Variants in C11orf16 observed in about 807,000 individuals in gnomAD.
C11orf16 encodes chromosome 11 open reading frame 16, also known as uncharacterized protein C11orf16.
C11orf16 carries 38 observed loss-of-function variants against 45.1 expected under a neutral mutation model. That is an observed-to-expected ratio of 0.84 (90% CI 0.65 to 1.10). The LOEUF is 1.10. Ranked by LOEUF, C11orf16 falls within the 50% of genes least tolerant of loss-of-function variation. The probability of loss-of-function intolerance (pLI) is 0.00; values close to 1 mark genes in which losing one functional copy is unlikely to be tolerated. For synonymous variants in C11orf16, 221 were observed against 222.0 expected (o/e 1.00, Z 0.04); for missense variants, 583 against 569.5 (o/e 1.02, Z -0.24).
Position 8,927,050 on chromosome 11 carries a change from C to T in C11orf16, c.449G>A (p.Gly150Glu), listed in dbSNP as rs369882131. The T allele has an allele frequency of 2.5e-6, 4 of 1,614,140 alleles. No individual in the cohort carries two copies. The South Asian group carries it at 4.4e-5, about 18-fold the overall frequency. ...CTTATCCCCTGGTCTCAGTGAGTAT[C>T]CTACAGATGGTGAGAGAGGAATGAC... ...EDVIPLSPSV[G>E]YSLRPGDKVL... Residue 150 changes from glycine (G) to glutamate (E), a missense_variant, in exon 4 of 7, where the codon GGA becomes GAA. Gly to Glu is a moderately conservative substitution (Grantham distance 98). Transcript: ENST00000326053.
intron 3 of C11orf16, chr11:8,927,444 C>T (rs1453273859): frequency 1.9e-6 from 1 of 516,364 alleles, no homozygotes; most frequent in African/African-American, 1.9e-5. Context: ...CCATTCCCTT[C>T]CTTTGCCTGG....
At chr11:8,931,226 G>A (rs1395703106) in intron 2 of C11orf16, among the ~76,000 whole-genome samples, 1 of 149,690 alleles carries the variant, frequency 6.7e-6, no homozygotes, top group South Asian at 2.1e-4. Flanking sequence ...TTTTTTTTTG[G>A]TTTTGTTTTG....
At chr11:8,928,413 A>G (rs2064629310) in intron 3 of C11orf16, among the ~76,000 whole-genome samples, 1 of 152,146 alleles carries the variant, frequency 6.6e-6, no homozygotes, top group African/African-American at 2.4e-5. Flanking sequence ...ACACCCATGC[A>G]TGTGAGCAAA....
chr11:8,921,065 A>G (rs1662745034), intron 6 of C11orf16, among the ~76,000 whole-genome samples: 1 of 152,202 alleles, frequency 6.6e-6, no homozygotes, highest in African/African-American at 2.4e-5. Context: ...ACCCAATACC[A>G]TAGAACAGAG....
chr11:8,930,715 C>G (rs372482430), intron 2 of C11orf16, among the ~76,000 whole-genome samples: 2 of 152,082 alleles, frequency 1.3e-5, no homozygotes, highest in South Asian at 4.1e-4. Context: ...TTTGAAGAAG[C>G]CATTTTACTT....
chr11:8,921,215 C>G, intron 6 of C11orf16, 79 bp downstream of exon 6: 1 of 1,105,408 alleles, frequency 9.0e-7, no homozygotes, highest in Non-Finnish European at 1.3e-6. Context: ...TTACTGTTCT[C>G]AAAGGGGATG....
intron 3 of C11orf16, among the ~76,000 whole-genome samples, chr11:8,928,431 C>T (rs1187143955): frequency 1.3e-5 from 2 of 152,134 alleles, no homozygotes; most frequent in African/African-American, 2.4e-5. Flanking sequence ...AAACATATCT[C>T]GTTCCACCTT....
intron 5 of C11orf16, among the ~76,000 whole-genome samples, chr11:8,923,510 C>G (rs187592299): frequency 1.3e-5 from 2 of 152,196 alleles, no homozygotes; most frequent in Middle Eastern, 3.2e-3. Flanking sequence ...TTTATGCCCT[C>G]TCTACAAGTG....
At chr11:8,923,623 C>CT (rs913563052) in intron 5 of C11orf16, among the ~76,000 whole-genome samples, 4 of 151,608 alleles carry the variant, frequency 2.6e-5, no homozygotes, top group South Asian at 2.1e-4. Flanking sequence ...TCTTTCTTTT[C>CT]TTTTTTTTTA....
chr11:8,931,665 C>T (rs1431770510), intron 2 of C11orf16, among the ~76,000 whole-genome samples: 1 of 152,096 alleles, frequency 6.6e-6, no homozygotes, highest in Non-Finnish European at 1.5e-5. Context: ...GCTGGGATTA[C>T]AGGCATGAGC....
chr11:8,924,658 C>T (rs1256238921), intron 5 of C11orf16, among the ~76,000 whole-genome samples: 2 of 152,132 alleles, frequency 1.3e-5, no homozygotes, highest in Non-Finnish European at 2.9e-5. Context: ...GTGGGCAGTG[C>T]CTAGAGATCT....
In C11orf16 at chr11:8,920,425, G is replaced by C; in HGVS notation, c.*48C>G. ...TCAGCCACTCTGTATAACTCTCCTCGAATATTTACCATGTTTATTCTTTAC... is the reference window on the plus strand; with the variant it reads ...TCAGCCACTCTGTATAACTCTCCTCCAATATTTACCATGTTTATTCTTTAC... On this transcript the variant is annotated 3_prime_UTR_variant, in exon 7 of 7. Coordinates refer to ENST00000326053, the MANE Select transcript of C11orf16 (RefSeq NM_020643.3). The C allele has an allele frequency of 1.5e-6, 1 of 680,228 alleles. No homozygotes were observed. Among genetic ancestry groups the C allele is most frequent in the Middle Eastern group, 2.3e-4 (1 of 4,312 alleles). 42.1% of individuals were successfully genotyped at this position (680,228 alleles called of 1,614,324 possible). A position where few individuals can be genotyped will look rare whatever the true frequency, so the allele number is the denominator to read the frequency against.
chr11:8,922,639 A>G (rs1204053245), intron 5 of C11orf16, among the ~76,000 whole-genome samples: 1 of 152,216 alleles, frequency 6.6e-6, no homozygotes, highest in African/African-American at 2.4e-5. Context: ...AAACCTATGC[A>G]AGAGCTTTTG....
Position 8,920,402 on chromosome 11 carries a change from A to G in C11orf16, c.*71T>C, listed in dbSNP as rs955810486. ...TCCTTCCGTTGAAGAAGGCCTTGTC[A>G]GCCACTCTGTATAACTCTCCTCGAA... On this transcript the variant is annotated 3_prime_UTR_variant, in exon 7 of 7. Coordinates refer to ENST00000326053, the MANE Select transcript of C11orf16 (RefSeq NM_020643.3). 12 of 664,538 alleles carry G rather than the reference A, an allele frequency of 1.8e-5. 1 individual carries two copies. The highest frequency in any genetic ancestry group is 2.7e-5 in the Non-Finnish European group (10 of 368,220). 41.2% of individuals were successfully genotyped at this position (664,538 alleles called of 1,614,324 possible).
In C11orf16 at chr11:8,920,421, C is replaced by T; in HGVS notation, c.*52G>A. On this transcript the variant is annotated 3_prime_UTR_variant, in exon 7 of 7. Transcript: ENST00000326053. Reference sequence around the variant, plus strand: ...CTTGTCAGCCACTCTGTATAACTCTCCTCGAATATTTACCATGTTTATTCT... The same window carrying T: ...CTTGTCAGCCACTCTGTATAACTCTTCTCGAATATTTACCATGTTTATTCT... 1 of 682,132 alleles carries T rather than the reference C, an allele frequency of 1.5e-6. No homozygotes were observed. The highest frequency in any genetic ancestry group is 2.7e-6 in the Non-Finnish European group (1 of 375,652). The allele number at this position is 682,132 out of a possible 1,614,324, so 42.3% of individuals were successfully genotyped here.
chr11:8,930,399 C>T (rs1424235682), intron 2 of C11orf16, among the ~76,000 whole-genome samples: 1 of 134,560 alleles, frequency 7.4e-6, no homozygotes, highest in African/African-American at 2.9e-5. Flanking sequence ...GTACTCCAGC[C>T]TGGTGACAGA....
At chr11:8,921,186 G>A in intron 6 of C11orf16, 108 bp downstream of exon 6, 2 of 823,724 alleles carry the variant, frequency 2.4e-6, no homozygotes, top group Non-Finnish European at 3.9e-6. Context: ...CATTTTTCTA[G>A]GACAAGGGGT....
chr11:8,921,659 T>A (rs1266047320), intron 5 of C11orf16, 144 bp from the exon 6 acceptor site: 1 of 825,386 alleles, frequency 1.2e-6, no homozygotes, highest in Non-Finnish European at 1.9e-6. Context: ...AGGGTCTTGC[T>A]ATTATCACCC....
chr11:8,931,247 A>G (rs2064648049), intron 2 of C11orf16, among the ~76,000 whole-genome samples: 1 of 151,736 alleles, frequency 6.6e-6, no homozygotes, highest in Admixed American at 6.6e-5. Context: ...TTTTTGAGAC[A>G]GAGTCTCACT....
Sources: gnomAD v4.1 joint callset for allele counts (sites outside exome capture counted in the v4.1 genomes callset) on GRCh38, gnomAD v4.1.1 for gene constraint, MANE v1.5 for transcripts, NCBI Gene and HGNC (gene_info 2026-07-23, HGNC 2026-07-21) for gene names.